Variants in B3GALT1 observed in about 807,000 individuals in gnomAD.
B3GALT1 encodes the protein UDP-Gal:betaGlcNAc beta 1,3-galactosyltransferase, polypeptide 1.
In B3GALT1, 10 loss-of-function variants were observed where a neutral mutation model predicts 23.2. The observed-to-expected ratio is 0.43, with a 90% CI of 0.27 to 0.73. The LOEUF (loss-of-function observed/expected upper bound fraction) is 0.73, where lower values mean the gene tolerates loss of function less well. Among genes scored for constraint, B3GALT1 ranks in the 30% least tolerant of loss-of-function variants. The probability of loss-of-function intolerance (pLI) is 0.21; values close to 1 mark genes in which losing one functional copy is unlikely to be tolerated. For missense variants in B3GALT1, 299 were observed against 405.4 expected, an observed-to-expected ratio of 0.74 and a Z score of 2.25; for synonymous variants, 156 against 141.5, an observed-to-expected ratio of 1.10 and a Z score of -0.73.
intron 2 of B3GALT1, among the ~76,000 whole-genome samples, chr2:167,609,032 G>A (rs56222227): frequency 7.7e-4 from 117 of 152,162 alleles, no homozygotes; most frequent in African/African-American, 2.8e-3. Flanking sequence ...ACTTATTGAT[G>A]TATCTGTTGC....
intron 3 of B3GALT1, among the ~76,000 whole-genome samples, chr2:167,726,887 G>T (rs1247914428): frequency 6.6e-6 from 1 of 152,176 alleles, no homozygotes; most frequent in Non-Finnish European, 1.5e-5. Context: ...ATATCTCTTT[G>T]CTTTAGGCAC....
chr2:167,756,452 A>T (rs956327920), intron 3 of B3GALT1, among the ~76,000 whole-genome samples: 1 of 152,212 alleles, frequency 6.6e-6, no homozygotes, highest in Non-Finnish European at 1.5e-5. Context: ...CTGAGTGTTG[A>T]TGGCAAATCA....
chr2:167,439,109 A>C (rs1698836583), intron 1 of B3GALT1, among the ~76,000 whole-genome samples: 1 of 152,166 alleles, frequency 6.6e-6, no homozygotes, highest in Non-Finnish European at 1.5e-5. Context: ...TTGACATCAA[A>C]TGTTTGTTTG....
intron 2 of B3GALT1, among the ~76,000 whole-genome samples, chr2:167,619,936 A>G (rs746825240): frequency 4.6e-5 from 7 of 152,184 alleles, no homozygotes; most frequent in African/African-American, 9.6e-5. Context: ...AATGATAAAC[A>G]TTAAACAAAC....
chr2:167,569,903 T>C (rs1208301570), intron 2 of B3GALT1, among the ~76,000 whole-genome samples: 2 of 151,898 alleles, frequency 1.3e-5, no homozygotes, highest in Non-Finnish European at 2.9e-5. Context: ...ATTATATTGA[T>C]GTGTATTATG....
At chr2:167,351,854 C>G (rs1697313291) in intron 1 of B3GALT1, among the ~76,000 whole-genome samples, 1 of 152,034 alleles carries the variant, frequency 6.6e-6, no homozygotes. Flanking sequence ...GCTTTTCACT[C>G]TTGACACAGG....
chr2:167,611,522 C>A (rs1685066386), intron 2 of B3GALT1, among the ~76,000 whole-genome samples: 1 of 151,842 alleles, frequency 6.6e-6, no homozygotes. Flanking sequence ...ACGCAAAAAC[C>A]AGCTATCACC....
chr2:167,326,842 A>G (rs989333683), intron 1 of B3GALT1, among the ~76,000 whole-genome samples: 1 of 152,046 alleles, frequency 6.6e-6, no homozygotes, highest in Non-Finnish European at 1.5e-5. Context: ...GACATTCACC[A>G]CAACACCCGG....
chr2:167,420,733 C>G (rs1322136979), intron 1 of B3GALT1, among the ~76,000 whole-genome samples: 1 of 152,154 alleles, frequency 6.6e-6, no homozygotes, highest in Non-Finnish European at 1.5e-5. Context: ...TTATCAGTTG[C>G]ACCTAGACTC....
chr2:167,642,044 C>G (rs2105456090), intron 2 of B3GALT1, among the ~76,000 whole-genome samples: 1 of 152,272 alleles, frequency 6.6e-6, no homozygotes, highest in South Asian at 2.1e-4. Context: ...ATGATTGTTT[C>G]TAAGTTTCAA....
At chr2:167,364,294 G>A (rs1697549754) in intron 1 of B3GALT1, among the ~76,000 whole-genome samples, 1 of 150,404 alleles carries the variant, frequency 6.6e-6, no homozygotes. Context: ...AAAGACAAAA[G>A]ATTTATAGCA....
chr2:167,488,791 A>AT (rs1699661377), intron 1 of B3GALT1, among the ~76,000 whole-genome samples: 1 of 152,024 alleles, frequency 6.6e-6, no homozygotes, highest in Admixed American at 6.5e-5. Context: ...ATTATAGCTT[A>AT]TTTTTGCCTT....
intron 3 of B3GALT1, among the ~76,000 whole-genome samples, chr2:167,675,244 A>G (rs1014804304): frequency 6.6e-6 from 1 of 152,238 alleles, no homozygotes; most frequent in African/African-American, 2.4e-5. Flanking sequence ...ACCATAGTGT[A>G]AGAGAAACTG....
At chr2:167,636,598 A>G (rs1811363) in intron 2 of B3GALT1, among the ~76,000 whole-genome samples, 135,565 of 152,066 alleles carry the variant, frequency 0.89, 61,421 homozygotes, top group Non-Finnish European at 0.97. Context: ...ATGCCCATCA[A>G]TGATAGACTG....
intron 2 of B3GALT1, among the ~76,000 whole-genome samples, chr2:167,503,854 C>T (rs2105349688): frequency 6.6e-6 from 1 of 152,298 alleles, no homozygotes; most frequent in South Asian, 2.1e-4. Context: ...ATTTCAAGTG[C>T]AATTTGTTAT....
intron 2 of B3GALT1, among the ~76,000 whole-genome samples, chr2:167,561,614 T>C (rs1400783557): frequency 2.6e-5 from 4 of 151,974 alleles, no homozygotes; most frequent in Middle Eastern, 3.4e-3. Context: ...TAAAAAATGA[T>C]AAAGGGGATA....
At chr2:167,769,547 A>G (rs997715518) in intron 3 of B3GALT1, among the ~76,000 whole-genome samples, 2 of 152,160 alleles carry the variant, frequency 1.3e-5, no homozygotes, top group African/African-American at 2.4e-5. Flanking sequence ...CCCAAAATCC[A>G]TCAGGCAACC....
chr2:167,863,992 G>GTA (rs1406370739), intron 4 of B3GALT1, among the ~76,000 whole-genome samples: 43 of 73,354 alleles, frequency 5.9e-4, no homozygotes, highest in Admixed American at 2.3e-3. Flanking sequence ...ATGTATGTAT[G>GTA]TGTGTGTGTG....
chr2:167,868,336 G>C (rs770207750), intron 4 of B3GALT1, among the ~76,000 whole-genome samples: 28 of 152,168 alleles, frequency 1.8e-4, no homozygotes, highest in Non-Finnish European at 4.0e-4. Flanking sequence ...CAAATAGAGA[G>C]TTAGAGAAAG....
Sources: allele counts gnomAD v4.1 joint callset (sites outside exome capture counted in the v4.1 genomes callset), GRCh38; gene constraint gnomAD v4.1.1; transcripts MANE v1.5; gene names NCBI Gene and HGNC (gene_info 2026-07-23, HGNC 2026-07-21).